The following SMCO4 variants were observed in gnomAD, a reference collection of about 807,000 sequenced individuals.
The protein encoded by SMCO4 is single-pass membrane protein with coiled-coil domains 4, also known as single-pass membrane and coiled-coil domain-containing protein 4.
SMCO4 carries 4 observed loss-of-function variants against 3.6 expected under a neutral mutation model. That is an observed-to-expected ratio of 1.11 (90% CI 0.54 to 2.53). The LOEUF (loss-of-function observed/expected upper bound fraction) is 2.53, where lower values mean the gene tolerates loss of function less well. Among genes scored for constraint, SMCO4 ranks in the 30% most tolerant of loss-of-function variants. SMCO4 has a pLI of 0.02. For synonymous variants in SMCO4, 36 were observed against 35.3 expected (o/e 1.02, Z -0.07); for missense variants, 70 against 80.8 (o/e 0.87, Z 0.51).
In SMCO4 at chr11:93,479,151, G is replaced by A. The variant is rs1383317951; in HGVS notation, c.39C>T (p.Ser13=). ...QLKGKPKKET[S]KDKKERKQAM... ...CTTGCTTCCGCTCCTTCTTGTCCTT[G>A]GAGGTCTCCTTCTTGGGCTTCCCTT... The change falls in exon 3 of 3, where the codon TCC becomes TCT. Residue 13 remains serine (S), a synonymous_variant. Transcript: ENST00000298966. 1 of 1,613,924 alleles carries A rather than the reference G, an allele frequency of 6.2e-7. No individual in the cohort carries two copies. Among genetic ancestry groups the A allele is most frequent in the African/African-American group, 1.3e-5 (1 of 74,888 alleles).
chr11:93,548,803 G>A, the SMCO4 span, among the ~76,000 whole-genome samples: 1 of 152,168 alleles, frequency 6.6e-6, no homozygotes, highest in African/African-American at 2.4e-5. Flanking sequence ...CTACAGGGTG[G>A]GAACAGCCTC....
At chr11:93,496,870 T>G (rs890735182) in intron 2 of SMCO4, among the ~76,000 whole-genome samples, 3 of 152,298 alleles carry the variant, frequency 2.0e-5, no homozygotes, top group Middle Eastern at 3.4e-3. Flanking sequence ...TGCTTCAGAT[T>G]CCCAGTAAAA....
At chr11:93,526,839 C>T (rs1949112847) in intron 1 of SMCO4, among the ~76,000 whole-genome samples, 1 of 152,170 alleles carries the variant, frequency 6.6e-6, no homozygotes, top group Non-Finnish European at 1.5e-5. Flanking sequence ...ATGTCTACCA[C>T]ACGGCACAAT....
At chr11:93,517,720 C>T (rs1198389236) in intron 1 of SMCO4, among the ~76,000 whole-genome samples, 1 of 152,162 alleles carries the variant, frequency 6.6e-6, no homozygotes, top group East Asian at 1.9e-4. Context: ...TGCTTTTATG[C>T]TCTTTACAGA....
intron 1 of SMCO4, among the ~76,000 whole-genome samples, chr11:93,527,087 T>C (rs1008905654): frequency 6.6e-6 from 1 of 152,222 alleles, no homozygotes; most frequent in Non-Finnish European, 1.5e-5. Flanking sequence ...AGGCAGCACC[T>C]GCGTCAGCCA....
intron 1 of SMCO4, among the ~76,000 whole-genome samples, chr11:93,499,631 G>T (rs1459213910): frequency 6.6e-6 from 1 of 152,234 alleles, no homozygotes; most frequent in African/African-American, 2.4e-5. Flanking sequence ...GTCAAGCTTT[G>T]CTTCCTGTAT....
intron 2 of SMCO4, among the ~76,000 whole-genome samples, chr11:93,482,983 G>A (rs1023220971): frequency 4.6e-5 from 7 of 152,140 alleles, no homozygotes; most frequent in Non-Finnish European, 7.4e-5. Flanking sequence ...CCCTGACACT[G>A]AAAAAAGAAG....
At chr11:93,512,679 G>A (rs888530172) in intron 1 of SMCO4, among the ~76,000 whole-genome samples, 1 of 152,210 alleles carries the variant, frequency 6.6e-6, no homozygotes, top group South Asian at 2.1e-4. Flanking sequence ...ACATTGTCTA[G>A]GTGTGTAGTA....
intron 1 of SMCO4, among the ~76,000 whole-genome samples, chr11:93,518,459 G>C (rs1949029322): frequency 6.6e-6 from 1 of 152,204 alleles, no homozygotes; most frequent in Non-Finnish European, 1.5e-5. Context: ...CAATTCTTTT[G>C]AGTATATAAC....
intron 2 of SMCO4, among the ~76,000 whole-genome samples, chr11:93,491,084 G>T (rs1230800904): frequency 1.3e-5 from 2 of 152,206 alleles, no homozygotes; most frequent in Non-Finnish European, 2.9e-5. Flanking sequence ...AAACCTGTAG[G>T]TTCCCTCGAC....
At chr11:93,505,856 AATGATG>A (rs61060663) in intron 1 of SMCO4, among the ~76,000 whole-genome samples, 63,287 of 149,608 alleles carry the variant, frequency 0.42, 13,800 homozygotes, top group East Asian at 0.73. Flanking sequence ...AAGCCCTTGC[AATGATG>A]ATGATGATGA....
At chr11:93,547,427 G>A (rs1052637875), upstream of SMCO4, among the ~76,000 whole-genome samples, 5 of 152,174 alleles carry the variant, frequency 3.3e-5, no homozygotes, top group Non-Finnish European at 7.3e-5. Context: ...TGCCTTAAAT[G>A]TCGTCTTCTC....
At chr11:93,487,176 C>A (rs1180886891) in intron 2 of SMCO4, among the ~76,000 whole-genome samples, 1 of 152,066 alleles carries the variant, frequency 6.6e-6, no homozygotes, top group East Asian at 1.9e-4. Flanking sequence ...ATTTTATGTC[C>A]CTGGTATTTA....
intron 2 of SMCO4, among the ~76,000 whole-genome samples, chr11:93,495,895 C>A (rs919236842): frequency 6.6e-6 from 1 of 152,040 alleles, no homozygotes. Context: ...TATTTTATTG[C>A]GTTTGGAAAA....
At chr11:93,542,608 C>T (rs1949279978) in intron 1 of SMCO4, among the ~76,000 whole-genome samples, 2 of 152,174 alleles carry the variant, frequency 1.3e-5, no homozygotes, top group Admixed American at 6.5e-5. Flanking sequence ...CTCCACCCAC[C>T]CCGTACAGGA....
intron 2 of SMCO4, among the ~76,000 whole-genome samples, chr11:93,481,199 A>C (rs954165140): frequency 6.6e-6 from 1 of 152,238 alleles, no homozygotes; most frequent in Non-Finnish European, 1.5e-5. Context: ...GCTTTGAGCA[A>C]GTCACTTAAC....
At chr11:93,530,220 G>A (rs1044164076) in intron 1 of SMCO4, among the ~76,000 whole-genome samples, 6 of 152,174 alleles carry the variant, frequency 3.9e-5, no homozygotes, top group Non-Finnish European at 7.4e-5. Flanking sequence ...TGAAGGGGTC[G>A]TGGGGGGAAG....
chr11:93,508,433 G>T (rs1352515593), intron 1 of SMCO4, among the ~76,000 whole-genome samples: 1 of 152,162 alleles, frequency 6.6e-6, no homozygotes, highest in Non-Finnish European at 1.5e-5. Context: ...GGCGTTGAAG[G>T]TCCATTATTA....
the SMCO4 span, among the ~76,000 whole-genome samples, chr11:93,551,383 A>G: frequency 6.6e-6 from 1 of 152,206 alleles, no homozygotes; most frequent in Admixed American, 6.5e-5. Flanking sequence ...AGGCTTCTCT[A>G]TGTCTCGGAC....
Sources: allele counts gnomAD v4.1 joint callset (sites outside exome capture counted in the v4.1 genomes callset), GRCh38; gene constraint gnomAD v4.1.1; transcripts MANE v1.5; gene names NCBI Gene and HGNC (gene_info 2026-07-23, HGNC 2026-07-21).